The following PLEKHA4 variants were observed in gnomAD, a reference collection of about 807,000 sequenced individuals.
PLEKHA4 encodes pleckstrin homology domain containing A4.
A neutral mutation model predicts 94.7 loss-of-function variants in PLEKHA4; 73 were observed. The observed-to-expected ratio is 0.77, with a 90% CI of 0.64 to 0.94. PLEKHA4 has a LOEUF of 0.94. Ranked by LOEUF, PLEKHA4 falls within the 40% of genes least tolerant of loss-of-function variation. PLEKHA4 has a pLI of 0.00. For missense variants in PLEKHA4, 1,049 were observed against 1,054.1 expected (o/e 1.00, Z 0.07); for synonymous variants, 449 against 437.1 (o/e 1.03, Z -0.34).
At chr19:48,858,626 T>TAAAAAAAAAAA (rs2036513160) in intron 8 of PLEKHA4, among the ~76,000 whole-genome samples, 1 of 51,754 alleles carries the variant, frequency 1.9e-5, no homozygotes, top group African/African-American at 4.4e-4. Flanking sequence ...GACCTCAGTC[T>TAAAAAAAAAAA]CAAAAAAAAA....
chr19:48,845,424 G>A lies in PLEKHA4; in HGVS notation c.1689C>T (p.Ser563=). Residue 563 remains serine, a synonymous_variant, in exon 16 of 20, where the codon TCC becomes TCT. Transcript: ENST00000263265. ...PHLGLGSPRV[S]RASSPEGRHL... ...GGCGACCCTCAGGGCTGGAAGCCCG[G>A]GAGACCCTCGGAGACCCAAGACCTG... is the stretch of plus-strand genomic sequence containing the variant. 6.2e-7 allele frequency: 1 copy of A among 1,613,888 alleles called. No homozygotes were observed. The highest frequency in any genetic ancestry group is 8.5e-7 in the Non-Finnish European group (1 of 1,180,020).
chr19:48,841,745 AAG>A (rs2035777151), intron 16 of PLEKHA4, among the ~76,000 whole-genome samples: 1 of 151,990 alleles, frequency 6.6e-6, no homozygotes, highest in South Asian at 2.1e-4. Context: ...ACTTGCGGCC[AAG>A]AGTTTGAGAC....
In PLEKHA4 at chr19:48,861,448, T is replaced by C; in HGVS notation, c.319A>G (p.Arg107Gly). 6.2e-7 allele frequency: 1 copy of C among 1,614,096 alleles called. No homozygotes were observed. The highest frequency in any genetic ancestry group is 8.5e-7 in the Non-Finnish European group (1 of 1,180,038). ...GSVLLPSYNI[R>G]PDGPGAPRGR... is the part of the protein sequence containing the mutation. ...CGGGGGGCTCCCGGCCCATCTGGTC[T>C]AATATTGTAGCTGGGGAGCAGGACG... is the stretch of plus-strand genomic sequence containing the variant. The change falls in exon 5 of 20, where the codon AGA becomes GGA. Residue 107 changes from arginine to glycine, a missense_variant. Transcript: ENST00000263265.
At chr19:48,854,361 G>A (rs2036323117) in intron 9 of PLEKHA4, 97 bp from the exon 10 acceptor site, 2 of 1,030,062 alleles carry the variant, frequency 1.9e-6, no homozygotes, top group Non-Finnish European at 1.5e-6. Flanking sequence ...GATAGGTACT[G>A]CACTATTTAT....
rs150435462 is a variant in PLEKHA4 at position 48,852,131 on chromosome 19, G to A, written c.1425+97C>T. The A allele has an allele frequency of 1.6e-5, 15 of 916,498 alleles. No individual in the cohort carries two copies. In the African/African-American group the frequency reaches 2.4e-4, roughly 15 times the overall value. The allele number at this position is 916,498 out of a possible 1,614,324, so 56.8% of individuals were successfully genotyped here. A position where few individuals can be genotyped will look rare whatever the true frequency, so the allele number is the denominator to read the frequency against. On this transcript the variant is annotated intron_variant, in intron 13 of 19. Transcript: ENST00000263265. Reference sequence around the variant, plus strand: ...AGGAGGCTAAGGGTCAACTGGGCGGGGCCTCGATTCTGTGGGCGAAGATTA... The same window carrying A: ...AGGAGGCTAAGGGTCAACTGGGCGGAGCCTCGATTCTGTGGGCGAAGATTA...
chr19:48,850,961 G>A (rs554213041), intron 13 of PLEKHA4, among the ~76,000 whole-genome samples: 1 of 151,960 alleles, frequency 6.6e-6, no homozygotes, highest in East Asian at 1.9e-4. Flanking sequence ...CCAACATGGT[G>A]AAACCCCCCT....
chr19:48,838,140 AAAG>A lies in PLEKHA4; in HGVS notation c.1965-14_1965-12del, dbSNP rs777959804. ...GTGGTGTTCCTTGGACTAGAAAAAA[AAAG>A]AAGATTGGGGGTGGGGGTGTGTACA... On this transcript the variant is annotated splice_polypyrimidine_tract_variant and intron_variant, in intron 18 of 19. Transcript: ENST00000263265. The A allele has an allele frequency of 9.4e-5, 150 of 1,591,192 alleles. 3 individuals are homozygous for A. In the South Asian group the frequency reaches 1.6e-3, roughly 17 times the overall value.
At position 48,859,487 on chromosome 19, in the gene PLEKHA4, C is replaced by T; in HGVS notation, c.674G>A (p.Arg225Gln). The T allele has an allele frequency of 1.9e-6, 3 of 1,613,878 alleles. No homozygotes were observed. Among genetic ancestry groups the T allele is most frequent in the South Asian group, 1.1e-5 (1 of 91,068 alleles). ...TTDLHSGLQM[R>Q]RARSPDLFTP... ...TACTCACTCGGGGCTCCTCGCCCTC[C>T]GCATCTGGAGTCCAGAGTGGAGGTC... Residue 225 changes from arginine to glutamine, a missense_variant, in exon 7 of 20, where the codon CGG becomes CAG. Transcript: ENST00000263265.
rs1330366700 is a variant in PLEKHA4, at chr19:48,867,235, G to A, written c.84+302C>T. On this transcript the variant is annotated intron_variant, in intron 2 of 19. Transcript: ENST00000263265. This position sits in a 1 kb window ranked among gnomAD's most constrained non-coding sequence, Gnocchi z 4.7. ...CAGCAAGTTCTGGCACTAATCAAGAGCAGCCACTACTTCTCAGAACTCGAG... is the reference window on the plus strand; with the variant it reads ...CAGCAAGTTCTGGCACTAATCAAGAACAGCCACTACTTCTCAGAACTCGAG... 6.8e-6 allele frequency among the ~76,000 whole-genome samples: 1 copy of A among 146,826 alleles called. No homozygotes were observed. Among genetic ancestry groups the A allele is most frequent in the Admixed American group, 6.7e-5 (1 of 14,846 alleles).
chr19:48,844,760 C>T (rs2035901878), intron 16 of PLEKHA4: 1 of 297,832 alleles, frequency 3.4e-6, no homozygotes. Context: ...AGTTTCTGAA[C>T]TCCAGGGCCA....
intron 9 of PLEKHA4, 100 bp from the exon 10 acceptor site, chr19:48,854,364 C>CTATT (rs377323563): frequency 2.5e-4 from 250 of 1,004,704 alleles, no homozygotes; most frequent in Middle Eastern, 5.1e-4. Flanking sequence ...AGGTACTGCA[C>CTATT]TATTTATTTA....
At position 48,861,473 on chromosome 19, in the gene PLEKHA4, G is replaced by A. The variant is rs913118017; in HGVS notation, c.294C>T (p.Ser98=). 6.2e-6 allele frequency: 10 copies of A among 1,614,122 alleles called. No individual in the cohort carries two copies. The highest frequency in any genetic ancestry group is 7.6e-6 in the Non-Finnish European group (9 of 1,180,032). The change falls in exon 5 of 20, where the codon AGC becomes AGT. Residue 98 remains serine, a synonymous_variant. Coordinates refer to ENST00000263265, the MANE Select transcript of PLEKHA4 (RefSeq NM_020904.3). ...TAATATTGTAGCTGGGGAGCAGGACGCTGCCTAGGACACTCTCCTCGCGGC... is the reference window on the plus strand; with the variant it reads ...TAATATTGTAGCTGGGGAGCAGGACACTGCCTAGGACACTCTCCTCGCGGC... ...KDSREESVLG[S]VLLPSYNIRP...
At chr19:48,842,533 G>A (rs1003122873) in intron 16 of PLEKHA4, among the ~76,000 whole-genome samples, 2 of 152,170 alleles carry the variant, frequency 1.3e-5, no homozygotes, top group African/African-American at 4.8e-5. Context: ...ACATCCAATT[G>A]TTTTAAACAT....
Position 48,867,043 on chromosome 19 carries a change from A to G in PLEKHA4, c.84+494T>C, listed in dbSNP as rs942953859. 1.6e-4 allele frequency among the ~76,000 whole-genome samples: 25 copies of G among 152,218 alleles called. No individual in the cohort carries two copies. Among genetic ancestry groups the G allele is most frequent in the African/African-American group, 5.5e-4 (23 of 41,538 alleles). On this transcript the variant is annotated intron_variant, in intron 2 of 19. Coordinates refer to ENST00000263265, the MANE Select transcript of PLEKHA4 (RefSeq NM_020904.3). The surrounding 1 kb of genome is among the most constrained non-coding windows in gnomAD (Gnocchi z 4.7). Reference sequence around the variant, plus strand: ...CTGGGCTCTGAACTTGAGAAACAATATGTGTGGAACGGCAGGAGGAAAAAG... The same window carrying G: ...CTGGGCTCTGAACTTGAGAAACAATGTGTGTGGAACGGCAGGAGGAAAAAG...
At chr19:48,853,500 C>G (rs1368866174) in intron 12 of PLEKHA4, among the ~76,000 whole-genome samples, 182 bp downstream of exon 12, 5 of 126,824 alleles carry the variant, frequency 3.9e-5, no homozygotes, top group Non-Finnish European at 6.3e-5. Flanking sequence ...CTCTGTCCCC[C>G]CCAAAAAAAA....
At chr19:48,838,845 G>A (rs559763138) in intron 18 of PLEKHA4, among the ~76,000 whole-genome samples, 52 of 151,750 alleles carry the variant, frequency 3.4e-4, no homozygotes, top group Non-Finnish European at 5.3e-4. Context: ...GGTACCGCAC[G>A]TGCCTTTCTG....
rs1415927279 is a variant in PLEKHA4 at position 48,867,745 on chromosome 19, G to T, written c.-6-119C>A. ...GAAAGAGCCTGTTGTTTCGGGACTT[G>T]GGGGGCTGGGGGAGGCCATGGCCCG... On this transcript the variant is annotated intron_variant, in intron 1 of 19. Coordinates refer to ENST00000263265, the MANE Select transcript of PLEKHA4 (RefSeq NM_020904.3). The surrounding 1 kb of genome is among the most constrained non-coding windows in gnomAD (Gnocchi z 4.7). 2.1e-6 allele frequency: 2 copies of T among 932,522 alleles called. No individual in the cohort carries two copies. The highest frequency in any genetic ancestry group is 3.3e-6 in the Non-Finnish European group (2 of 615,038). 57.8% of individuals were successfully genotyped at this position (932,522 alleles called of 1,614,324 possible).
intron 2 of PLEKHA4, among the ~76,000 whole-genome samples, chr19:48,866,848 A>G (rs1337769870): frequency 6.6e-6 from 1 of 152,080 alleles, no homozygotes; most frequent in Non-Finnish European, 1.5e-5. Flanking sequence ...CCCTGCGGTC[A>G]CACCCCTTAG....
chr19:48,845,659 A>G, intron 14 of PLEKHA4, 43 bp from the exon 15 acceptor site: 1 of 1,343,154 alleles, frequency 7.4e-7, no homozygotes, highest in Non-Finnish European at 1.0e-6. Context: ...TCATTATAAT[A>G]ATTATTATTA....
Sources: allele counts gnomAD v4.1 joint callset (sites outside exome capture counted in the v4.1 genomes callset), GRCh38; gene constraint gnomAD v4.1.1; non-coding constraint Gnocchi (gnomAD v3.1); transcripts MANE v1.5; gene names NCBI Gene and HGNC (gene_info 2026-07-23, HGNC 2026-07-21).